Variants in SPTBN1 observed in about 807,000 individuals in gnomAD.
SPTBN1 encodes spectrin beta, non-erythrocytic 1.
Under a neutral mutation model 266.4 loss-of-function variants are expected in SPTBN1, and 32 were observed. The ratio of observed to expected loss-of-function variants is 0.12; its 90% CI spans 0.09 to 0.16. SPTBN1 has a LOEUF of 0.16. SPTBN1 is among the 10% of genes least tolerant of loss of function. SPTBN1 has a pLI of 1.00. For synonymous variants in SPTBN1, 1,336 were observed against 1,162.2 expected (o/e 1.15, Z -3.04); for missense variants, 2,296 against 3,067.1 (o/e 0.75, Z 5.94).
chr2:54,598,880 C>T (rs182542951), intron 2 of SPTBN1, among the ~76,000 whole-genome samples: 4 of 152,278 alleles, frequency 2.6e-5, no homozygotes, highest in Admixed American at 1.3e-4. Flanking sequence ...CCAGTAAACC[C>T]ATCGTAAAGT....
At chr2:54,574,939 T>C (rs2104540306) in intron 2 of SPTBN1, among the ~76,000 whole-genome samples, 1 of 152,308 alleles carries the variant, frequency 6.6e-6, no homozygotes, top group African/African-American at 2.4e-5. Flanking sequence ...TCATAACTGC[T>C]TTGTGGATTG....
At chr2:54,521,825 A>ATATT (rs911295942) in intron 1 of SPTBN1, among the ~76,000 whole-genome samples, 13 of 151,972 alleles carry the variant, frequency 8.6e-5, no homozygotes, top group African/African-American at 2.9e-4. Flanking sequence ...TGCTTGGCAT[A>ATATT]TATTTATTTA....
At chr2:54,522,664 GAGAGAGAGAGAGAGGA>G (rs1670526978) in intron 1 of SPTBN1, among the ~76,000 whole-genome samples, 5 of 89,274 alleles carry the variant, frequency 5.6e-5, no homozygotes, top group African/African-American at 1.2e-4. Context: ...GAGAAAGAGA[GAGAGAGAGAGAGAGGA>G]GAGAGAGAGA....
intron 1 of SPTBN1, among the ~76,000 whole-genome samples, chr2:54,524,848 C>A (rs1670702666): frequency 6.6e-6 from 1 of 152,202 alleles, no homozygotes; most frequent in Non-Finnish European, 1.5e-5. Context: ...TTGATCTGTG[C>A]GTGACTCATT....
intron 5 of SPTBN1, among the ~76,000 whole-genome samples, chr2:54,616,701 T>C (rs1450323188): frequency 6.6e-6 from 1 of 152,244 alleles, no homozygotes; most frequent in African/African-American, 2.4e-5. Context: ...ATATTATCTG[T>C]GTCAGTTTCC....
At chr2:54,562,091 A>G (rs1673345601) in intron 2 of SPTBN1, among the ~76,000 whole-genome samples, 1 of 152,180 alleles carries the variant, frequency 6.6e-6, no homozygotes, top group South Asian at 2.1e-4. Flanking sequence ...CAGTTCATGT[A>G]TCGTATAAAG....
intron 5 of SPTBN1, 135 bp from the exon 6 acceptor site, chr2:54,617,473 T>G: frequency 1.5e-6 from 1 of 658,836 alleles, no homozygotes; most frequent in Non-Finnish European, 2.5e-6. Context: ...TGTTCTGACT[T>G]GATTGTCCTT....
At chr2:54,482,507 G>A (rs1167720987) in intron 1 of SPTBN1, among the ~76,000 whole-genome samples, 1 of 152,350 alleles carries the variant, frequency 6.6e-6, no homozygotes, top group South Asian at 2.1e-4. Context: ...CATAAGCCAA[G>A]TATGCATGCT....
chr2:54,504,447 T>G (rs1669446461), intron 1 of SPTBN1, among the ~76,000 whole-genome samples: 1 of 152,178 alleles, frequency 6.6e-6, no homozygotes, highest in Non-Finnish European at 1.5e-5. Flanking sequence ...ATCTGTGAAT[T>G]CAACCAACCA....
intron 6 of SPTBN1, 36 bp from the exon 7 acceptor site, chr2:54,618,042 A>C: frequency 6.6e-7 from 1 of 1,524,956 alleles, no homozygotes; most frequent in Non-Finnish European, 9.0e-7. Flanking sequence ...TTTTCAAGCC[A>C]TGATTTTTGT....
chr2:54,644,085 C>A (rs1679761598), intron 19 of SPTBN1, among the ~76,000 whole-genome samples: 1 of 152,012 alleles, frequency 6.6e-6, no homozygotes, highest in Admixed American at 6.6e-5. Context: ...ATTCCGTTGC[C>A]CCAGTTGAGA....
chr2:54,470,394 A>T (rs370109731), intron 1 of SPTBN1, among the ~76,000 whole-genome samples: 5 of 152,350 alleles, frequency 3.3e-5, no homozygotes, highest in African/African-American at 1.2e-4. Context: ...TTAGTGAGTC[A>T]TACTTGAGAA....
intron 1 of SPTBN1, among the ~76,000 whole-genome samples, chr2:54,501,658 T>G (rs1669275507): frequency 6.6e-6 from 1 of 152,254 alleles, no homozygotes. Context: ...AGGCTTTGTC[T>G]CGTTACTTGC....
At chr2:54,526,302 AT>A (rs1670811101) in intron 1 of SPTBN1, 69 bp from the exon 2 acceptor site, 1 of 1,279,308 alleles carries the variant, frequency 7.8e-7, no homozygotes, top group African/African-American at 1.5e-5. Context: ...GCTCACTCTT[AT>A]CCCAGTTGGT....
intron 2 of SPTBN1, among the ~76,000 whole-genome samples, chr2:54,580,285 G>A (rs1674800464): frequency 6.6e-6 from 1 of 152,208 alleles, no homozygotes; most frequent in Admixed American, 6.5e-5. Context: ...GGTTCGTTGA[G>A]TGGTAGAGAG....
At chr2:54,631,909 C>A (rs1678758233) in intron 16 of SPTBN1, among the ~76,000 whole-genome samples, 1 of 151,824 alleles carries the variant, frequency 6.6e-6, no homozygotes, top group Admixed American at 6.6e-5. Context: ...GGTATTGATC[C>A]AATTTAAAAG....
intron 26 of SPTBN1, chr2:54,652,848 G>A (rs1458745445): frequency 6.6e-6 from 1 of 151,606 alleles, no homozygotes. Flanking sequence ...CTTCATGCCA[G>A]TTTCTGTGTT....
chr2:54,556,868 T>C (rs1455739656), intron 2 of SPTBN1, among the ~76,000 whole-genome samples: 1 of 152,222 alleles, frequency 6.6e-6, no homozygotes. Flanking sequence ...CCAGGGTTTC[T>C]TCTAAGGTCA....
chr2:54,473,067 T>C (rs960909928), intron 1 of SPTBN1, among the ~76,000 whole-genome samples: 16 of 152,224 alleles, frequency 1.1e-4, no homozygotes, highest in Non-Finnish European at 7.3e-5. Flanking sequence ...AAAATGGCTT[T>C]GTTTCTTTTG....
Sources: allele counts gnomAD v4.1 joint callset (sites outside exome capture counted in the v4.1 genomes callset), GRCh38; gene constraint gnomAD v4.1.1; transcripts MANE v1.5; gene names NCBI Gene and HGNC (gene_info 2026-07-23, HGNC 2026-07-21).